Variants in RFK observed in about 807,000 individuals in gnomAD.
RFK encodes the protein riboflavin kinase.
Under a neutral mutation model 17.6 loss-of-function variants are expected in RFK, and 4 were observed. The ratio of observed to expected loss-of-function variants is 0.23; its 90% CI spans 0.11 to 0.52. The LOEUF (loss-of-function observed/expected upper bound fraction) is 0.52. RFK is among the 20% of genes least tolerant of loss of function. RFK has a pLI of 0.96. For missense variants in RFK, 189 were observed against 187.7 expected, an observed-to-expected ratio of 1.01 and a Z score of -0.04; for synonymous variants, 59 against 63.8, an observed-to-expected ratio of 0.92 and a Z score of 0.36.
At chr9:76,392,960 C>T (rs1822836324) in intron 1 of RFK, among the ~76,000 whole-genome samples, 1 of 152,174 alleles carries the variant, frequency 6.6e-6, no homozygotes, top group African/African-American at 2.4e-5. Context: ...TAATGTAAAT[C>T]ATTACATTCA....
chr9:76,388,828 T>C (rs910669218), intron 2 of RFK, among the ~76,000 whole-genome samples, 172 bp from the exon 3 acceptor site: 1 of 152,228 alleles, frequency 6.6e-6, no homozygotes, highest in Admixed American at 6.5e-5. Context: ...TTCCCAGCAC[T>C]CCTGTTTGGA....
intron 1 of RFK, 108 bp downstream of exon 1, chr9:76,393,982 C>T: frequency 9.6e-7 from 1 of 1,036,314 alleles, no homozygotes; most frequent in Admixed American, 2.3e-5. Flanking sequence ...GGTGTGCTCT[C>T]TGCCCGCGGT....
At chr9:76,393,070 T>C (rs1822837394) in intron 1 of RFK, among the ~76,000 whole-genome samples, 1 of 152,126 alleles carries the variant, frequency 6.6e-6, no homozygotes, top group Non-Finnish European at 1.5e-5. Context: ...ATGAATAAAG[T>C]ACCAGGTAAG....
chr9:76,387,492 T>G lies in RFK; in HGVS notation c.375A>C (p.Glu125Asp). Residue 125 changes from glutamate (E) to aspartate (D), a missense_variant, in exon 4 of 4, where the codon GAA becomes GAC. Around this residue, in one of 3 missense-constraint regions of RFK, gnomAD observed 95 missense variants for 95.7 expected, o/e 0.99. Transcript: ENST00000376736. ...CTGGTAACTCTAGTCGTTTCTTAGC[T>G]TCTTCAATATCACCTTGAATTGCTG... Reference protein sequence around the residue: ...LISAIQGDIEEAKKRLELPEH... With the variant: ...LISAIQGDIEDAKKRLELPEH... 1 of 1,611,804 alleles carries G rather than the reference T, an allele frequency of 6.2e-7. No homozygotes were observed. The highest frequency in any genetic ancestry group is 8.5e-7 in the Non-Finnish European group (1 of 1,179,442).
In RFK at chr9:76,387,343, G is replaced by GTAA; in HGVS notation, c.*53_*55dup. 2 of 1,506,650 alleles carry GTAA rather than the reference G, an allele frequency of 1.3e-6. No homozygotes were observed. The highest frequency in any genetic ancestry group is 1.8e-6 in the Non-Finnish European group (2 of 1,101,440). 93.3% of individuals were successfully genotyped at this position (1,506,650 alleles called of 1,614,324 possible). On this transcript the variant is annotated 3_prime_UTR_variant, in exon 4 of 4. Coordinates refer to ENST00000376736, the MANE Select transcript of RFK (RefSeq NM_018339.6). ...TATATAACCAAGATGATGCTGAACA[G>GTAA]TAATAAACACAGAAACACTAGAAAA...
intron 1 of RFK, 31 bp downstream of exon 1, chr9:76,394,059 G>A (rs547401852): frequency 5.8e-6 from 9 of 1,563,258 alleles, no homozygotes; most frequent in African/African-American, 5.4e-5. Flanking sequence ...ACGTGACCCG[G>A]CCCGGGGGAC....
chr9:76,390,258 G>GA (rs937424143), intron 2 of RFK, among the ~76,000 whole-genome samples: 1 of 152,014 alleles, frequency 6.6e-6, no homozygotes, highest in African/African-American at 2.4e-5. Flanking sequence ...TAAACTTTTA[G>GA]AAAAAAACCA....
Position 76,387,622 on chromosome 9 carries a change from C to T in RFK, c.338-93G>A, listed in dbSNP as rs773246906. ...TTAGCCAATCCTAAAAACTCACAGG[C>T]TGGCAGTATCTCTGCACAGGGTAGA... On this transcript the variant is annotated intron_variant, in intron 3 of 3. Coordinates refer to ENST00000376736, the MANE Select transcript of RFK (RefSeq NM_018339.6). 3.3e-6 allele frequency: 4 copies of T among 1,220,976 alleles called. No homozygotes were observed. In the African/African-American group the frequency reaches 4.5e-5, roughly 14 times the overall value. 75.6% of individuals were successfully genotyped at this position (1,220,976 alleles called of 1,614,324 possible). A position where few individuals can be genotyped will look rare whatever the true frequency, so the allele number is the denominator to read the frequency against.
At position 76,387,672 on chromosome 9, in the gene RFK, A is replaced by T. The variant is rs995081621; in HGVS notation, c.338-143T>A. The T allele has an allele frequency of 1.3e-5, 9 of 715,778 alleles. No individual in the cohort carries two copies. In the African/African-American group the frequency reaches 1.6e-4, roughly 13 times the overall value. 44.3% of individuals were successfully genotyped at this position (715,778 alleles called of 1,614,324 possible). On this transcript the variant is annotated intron_variant, in intron 3 of 3. Transcript: ENST00000376736. ...ATACCCAATAAATGTTTGTTCCATC[A>T]CTCCTTCCAGGCCTAAGTCAATGGT...
Position 76,394,193 on chromosome 9 carries a change from G to A in RFK, c.-22C>T. 3 of 1,570,054 alleles carry A rather than the reference G, an allele frequency of 1.9e-6. No individual in the cohort carries two copies. The highest frequency in any genetic ancestry group is 1.7e-6 in the Non-Finnish European group (2 of 1,159,654). ...TCATAATGCAGTCCGCTCGGGGAAT[G>A]GGCTGCGGCCCGGTCTGCGCGTCCT... On this transcript the variant is annotated 5_prime_UTR_variant, in exon 1 of 4. Transcript: ENST00000376736.
rs1554728134 is a variant in RFK, at chr9:76,390,741, C to CACAA, written c.234+1676_234+1677insTTGT. Among the ~76,000 whole-genome samples, 7 of 144,440 alleles carry CACAA rather than the reference C, an allele frequency of 4.8e-5. No homozygotes were observed. The East Asian group carries it at 1.4e-3, about 29-fold the overall frequency. 94.8% of individuals were successfully genotyped at this position (144,440 alleles called of 152,430 possible). On this transcript the variant is annotated intron_variant, in intron 2 of 3. Coordinates refer to ENST00000376736, the MANE Select transcript of RFK (RefSeq NM_018339.6). ...AAAAAAAAAACCACACACACACACA[C>CACAA]AATGAAAGAAATTTGTAATACAACA...
At position 76,392,526 on chromosome 9, in the gene RFK, T is replaced by C. The variant is rs1171686218; in HGVS notation, c.126A>G (p.Ile42Met). Residue 42 changes from isoleucine (I) to methionine (M), a missense_variant, in exon 2 of 4, where the codon ATA becomes ATG. By Grantham distance (10) the Ile-to-Met change is conservative. Around this residue, in one of 3 missense-constraint regions of RFK, gnomAD observed 90 missense variants for 75.4 expected, o/e 1.19. Coordinates refer to ENST00000376736, the MANE Select transcript of RFK (RefSeq NM_018339.6). ...EQVVDNLPADISTGIYYGWAS... is the reference protein window; with the variant it reads ...EQVVDNLPADMSTGIYYGWAS... ...CCCAACCATAGTAAATACCAGTGGA[T>C]ATATCAGCTGGAAGATTATCTACCA... 6.2e-7 allele frequency: 1 copy of C among 1,614,176 alleles called. No individual in the cohort carries two copies. The highest frequency in any genetic ancestry group is 8.5e-7 in the Non-Finnish European group (1 of 1,179,994).
chr9:76,394,057 C>A, intron 1 of RFK, 33 bp downstream of exon 1: 1 of 1,558,354 alleles, frequency 6.4e-7, no homozygotes, highest in Non-Finnish European at 8.7e-7. Flanking sequence ...CCACGTGACC[C>A]GGCCCGGGGG....
In RFK at chr9:76,387,533, C is replaced by A. The variant is rs1227379386; in HGVS notation, c.338-4G>T. The A allele has an allele frequency of 6.2e-7, 1 of 1,608,002 alleles. No individual in the cohort carries two copies. Among genetic ancestry groups the A allele is most frequent in the East Asian group, 2.2e-5 (1 of 44,808 alleles). On this transcript the variant is annotated splice_region_variant and splice_polypyrimidine_tract_variant and intron_variant, in intron 3 of 3. Transcript: ENST00000376736. ...TGAATTGCTGAAATAAGTGACTCTG[C>A]AGAGAGAATATACCAGGTAAAAATG...
chr9:76,393,147 A>G (rs1264990931), intron 1 of RFK, among the ~76,000 whole-genome samples: 5 of 151,996 alleles, frequency 3.3e-5, no homozygotes, highest in Non-Finnish European at 7.4e-5. Context: ...ACCAGAGTAG[A>G]TGGATTTTTT....
chr9:76,390,647 G>C (rs917778094), intron 2 of RFK, among the ~76,000 whole-genome samples: 4 of 148,466 alleles, frequency 2.7e-5, no homozygotes, highest in Non-Finnish European at 4.4e-5. Context: ...CTGGGTGACA[G>C]AGCAAGACCC....
intron 1 of RFK, 27 bp downstream of exon 1, chr9:76,394,063 G>A (rs770327404): frequency 8.9e-6 from 14 of 1,568,386 alleles, no homozygotes; most frequent in African/African-American, 4.1e-5. Flanking sequence ...GACCCGGCCC[G>A]GGGGACTCTG....
At chr9:76,392,712 G>C in intron 1 of RFK, 143 bp from the exon 2 acceptor site, 1 of 733,408 alleles carries the variant, frequency 1.4e-6, no homozygotes, top group Non-Finnish European at 2.2e-6. Flanking sequence ...GTTTGAGACC[G>C]GCCCGGGTAA....
chr9:76,393,353 C>G (rs1822843199), intron 1 of RFK, among the ~76,000 whole-genome samples: 1 of 152,148 alleles, frequency 6.6e-6, no homozygotes. Context: ...ATGACAGGCA[C>G]GCGCCACCAT....
Sources: gnomAD v4.1 joint callset for allele counts (sites outside exome capture counted in the v4.1 genomes callset) on GRCh38, gnomAD v4.1.1 for gene constraint, gnomAD v4.1.1 regional missense constraint, MANE v1.5 for transcripts, NCBI Gene and HGNC (gene_info 2026-07-23, HGNC 2026-07-21) for gene names.